COL2A1: variants seen among roughly 807,000 people sequenced by gnomAD.
COL2A1 encodes the protein collagen alpha-1(II) chain.
Under a neutral mutation model 204.5 loss-of-function variants are expected in COL2A1, and 28 were observed. That is an observed-to-expected ratio of 0.14 (90% CI 0.10 to 0.19). The LOEUF is 0.19. Among genes scored for constraint, COL2A1 ranks in the 10% least tolerant of loss-of-function variants. COL2A1 has a pLI of 1.00. For missense variants in COL2A1, 1,388 were observed against 2,027.5 expected (o/e 0.68, Z 6.06); for synonymous variants, 708 against 718.7 (o/e 0.99, Z 0.24).
chr12:47,981,972 C>G, intron 35 of COL2A1, 135 bp downstream of exon 35: 1 of 1,281,210 alleles, frequency 7.8e-7, no homozygotes, highest in Admixed American at 1.7e-5. Context: ...ACAGAGAAGT[C>G]CCTGCAGTTG....
In COL2A1 at chr12:47,985,948, G is replaced by A. The variant is rs41317925; in HGVS notation, c.1545C>T (p.Arg515=). 1.9e-5 allele frequency: 30 copies of A among 1,551,642 alleles called. No individual in the cohort carries two copies. Among genetic ancestry groups the A allele is most frequent in the South Asian group, 1.8e-4 (15 of 84,076 alleles). Reference sequence around the variant, plus strand: ...CCAGACCATCTTGACCTGGGAAACCGCGGTTGCCGGGAGCACCCTAAGGAG... The same window carrying A: ...CCAGACCATCTTGACCTGGGAAACCACGGTTGCCGGGAGCACCCTAAGGAG... ...PPGERGAPGN[R]GFPGQDGLAG... Residue 515 remains arginine, a synonymous_variant, in exon 24 of 54, where the codon CGC becomes CGT. Coordinates refer to ENST00000380518, the MANE Select transcript of COL2A1 (RefSeq NM_001844.5).
chr12:47,998,588 G>A lies in COL2A1; in HGVS notation c.293-157C>T. 9.4e-6 allele frequency: 7 copies of A among 744,930 alleles called. No homozygotes were observed. In the South Asian group the frequency reaches 1.2e-4, roughly 13 times the overall value. The allele number at this position is 744,930 out of a possible 1,614,324, so 46.1% of individuals were successfully genotyped here. The stretch of plus-strand genomic sequence containing the variant: ...TGACTCCACTGAACCCCTCTGTTGG[G>A]GTGTTAGGGCCACTGTGGCCCTGGG... On this transcript the variant is annotated intron_variant, in intron 2 of 53. Coordinates refer to ENST00000380518, the MANE Select transcript of COL2A1 (RefSeq NM_001844.5).
At chr12:47,992,629 G>A (rs201290018) in intron 16 of COL2A1, among the ~76,000 whole-genome samples, 1 of 152,140 alleles carries the variant, frequency 6.6e-6, no homozygotes, top group African/African-American at 2.4e-5. Flanking sequence ...TTGTTGAAGG[G>A]ATTACCTGAT....
intron 1 of COL2A1, among the ~76,000 whole-genome samples, chr12:48,001,398 G>A (rs1210486325): frequency 6.6e-6 from 1 of 152,172 alleles, no homozygotes; most frequent in Non-Finnish European, 1.5e-5. Flanking sequence ...GGATTCCAGG[G>A]AAAATACAGA....
chr12:47,973,889 A>G (rs919176408), intron 53 of COL2A1, among the ~76,000 whole-genome samples, 200 bp downstream of exon 53: 1 of 152,128 alleles, frequency 6.6e-6, no homozygotes, highest in Non-Finnish European at 1.5e-5. Context: ...TGTTCCCCTG[A>G]GCCAGGGGAA....
At chr12:48,004,121 C>T (rs1434724370) in intron 1 of COL2A1, 116 bp downstream of exon 1, 1 of 772,614 alleles carries the variant, frequency 1.3e-6, no homozygotes, top group South Asian at 1.5e-5. Context: ...GCGCTACGAC[C>T]CCGGGAGCCG....
chr12:47,982,020 G>T (rs761301871), intron 35 of COL2A1, 87 bp downstream of exon 35: 37 of 1,418,958 alleles, frequency 2.6e-5, no homozygotes, highest in Non-Finnish European at 3.5e-5. Flanking sequence ...GACCCCAGTG[G>T]CAGACTGCCC....
intron 9 of COL2A1, 25 bp downstream of exon 9, chr12:47,995,850 G>A (rs772410856): frequency 1.9e-6 from 3 of 1,610,460 alleles, no homozygotes; most frequent in African/African-American, 2.7e-5. Context: ...ACACGATGGA[G>A]GCAAAAAGAA....
At chr12:47,986,726 G>A in intron 22 of COL2A1, 109 bp downstream of exon 22, 1 of 1,290,782 alleles carries the variant, frequency 7.7e-7, no homozygotes. Context: ...AAAGGACCCA[G>A]ATTGGGGGAT....
rs945811404 is a variant in COL2A1, at chr12:47,976,753, C to T, written c.3435+59G>A. On this transcript the variant is annotated intron_variant, in intron 48 of 53. Transcript: ENST00000380518. This position sits in a 1 kb window ranked among gnomAD's most constrained non-coding sequence, Gnocchi z 4.3. ...AGCTGTCCTGGCAGCACAGGGAGCT[C>T]AAGTGGGCTCTGTGTGGCAGGAGGC... The T allele has an allele frequency of 1.3e-4, 197 of 1,515,682 alleles. No individual in the cohort carries two copies. Among genetic ancestry groups the T allele is most frequent in the Middle Eastern group, 1.7e-4 (1 of 5,816 alleles). 93.9% of individuals were successfully genotyped at this position (1,515,682 alleles called of 1,614,324 possible).
chr12:47,976,564 G>C lies in COL2A1; in HGVS notation c.3439C>G (p.Pro1147Ala), dbSNP rs139720910. ...CCAGAAGCACCTTGGTCTCCAGAAG[G>C]ACCCTGTGTAGAAGGAAGAGGCAAA... is the stretch of plus-strand genomic sequence containing the variant. Reference protein sequence around the residue: ...GLQGLPGPPGPSGDQGASGPA... With the variant: ...GLQGLPGPPGASGDQGASGPA... Residue 1147 changes from proline to alanine, a missense_variant, in exon 49 of 54, where the codon CCT (proline) becomes GCT (alanine). Transcript: ENST00000380518. This position sits in a 1 kb window ranked among gnomAD's most constrained non-coding sequence, Gnocchi z 4.3. The C allele has an allele frequency of 2.5e-6, 4 of 1,614,204 alleles. No individual in the cohort carries two copies. The East Asian group carries it at 8.9e-5, about 36-fold the overall frequency.
In COL2A1 at chr12:47,977,217, T is replaced by C. The variant is rs1420164511; in HGVS notation, c.3274-62A>G. 2.5e-6 allele frequency: 4 copies of C among 1,585,182 alleles called. No homozygotes were observed. In the East Asian group the frequency reaches 8.9e-5, roughly 35 times the overall value. On this transcript the variant is annotated intron_variant, in intron 46 of 53. Coordinates refer to ENST00000380518, the MANE Select transcript of COL2A1 (RefSeq NM_001844.5). ...AGGACAGGTGGGGGCCTCCTCTGCA[T>C]CTGAGGCCACTGCTCCTTAGTCCAG...
chr12:47,998,795 C>T (rs1436239533), intron 2 of COL2A1: 1 of 250,744 alleles, frequency 4.0e-6, no homozygotes, highest in African/African-American at 2.3e-5. Context: ...GGGAGCCGTT[C>T]CCGAACCCCA....
In COL2A1 at chr12:47,974,736, C is replaced by T. The variant is rs2136508302; in HGVS notation, c.4013G>A (p.Ser1338Asn). 3 of 1,614,196 alleles carry T rather than the reference C, an allele frequency of 1.9e-6. No individual in the cohort carries two copies. Among genetic ancestry groups the T allele is most frequent in the Non-Finnish European group, 2.5e-6 (3 of 1,180,036 alleles). Reference sequence around the variant, plus strand: ...GTGTTTCTTCTCCTTGCTCTTGCTGCTCCACCAGTTCTTCTTGGGAACGTT... The same window carrying T: ...GTGTTTCTTCTCCTTGCTCTTGCTGTTCCACCAGTTCTTCTTGGGAACGTT... ...PANVPKKNWW[S>N]SKSKEKKHIW... The change falls in exon 52 of 54, where the codon AGC becomes AAC. Residue 1338 changes from serine (S) to asparagine (N), a missense_variant. Ser to Asn is a conservative substitution (Grantham distance 46). This residue lies in a region of COL2A1 where 303 missense variants were observed against 369.2 expected (regional missense o/e 0.82). Transcript: ENST00000380518.
chr12:47,983,051 A>C, intron 32 of COL2A1, 42 bp downstream of exon 32: 1 of 1,609,396 alleles, frequency 6.2e-7, no homozygotes, highest in South Asian at 1.1e-5. Flanking sequence ...GACCCAGGGC[A>C]GGCCCAAGGA....
chr12:47,980,695 G>A lies in COL2A1; in HGVS notation c.2518-34C>T, dbSNP rs1397377178. 6.3e-7 allele frequency: 1 copy of A among 1,584,634 alleles called. No homozygotes were observed. ...GGAAGGAGGAAGCAGGTGAATGAGG[G>A]GCAGGCTAAAACCCTGGAGCTCTTC... On this transcript the variant is annotated intron_variant, in intron 38 of 53. Transcript: ENST00000380518. This position sits in a 1 kb window ranked among gnomAD's most constrained non-coding sequence, Gnocchi z 4.5.
Position 47,975,517 on chromosome 12 carries a change from C to T in COL2A1, c.3686G>A (p.Arg1229Lys). Reference protein sequence around the residue: ...DMSAFAGLGPREKGPDPLQYM... With the variant: ...DMSAFAGLGPKEKGPDPLQYM... ...CTGCAGGGGGTCGGGGCCCTTCTCT[C>T]TCGGGCCTAAGCCAGCAAAGGCGGA... Residue 1229 changes from arginine (R) to lysine (K), a missense_variant, in exon 51 of 54, where the codon AGA (arginine) becomes AAA (lysine). Arg to Lys is a conservative substitution (Grantham distance 26). Transcript: ENST00000380518. The T allele has an allele frequency of 6.2e-7, 1 of 1,610,678 alleles. No individual in the cohort carries two copies. The highest frequency in any genetic ancestry group is 1.3e-5 in the African/African-American group (1 of 75,040).
In COL2A1 at chr12:47,976,744, C is replaced by A; in HGVS notation, c.3435+68G>T. 5 of 1,478,792 alleles carry A rather than the reference C, an allele frequency of 3.4e-6. No individual in the cohort carries two copies. The highest frequency in any genetic ancestry group is 4.7e-6 in the Non-Finnish European group (5 of 1,068,528). 91.6% of individuals were successfully genotyped at this position (1,478,792 alleles called of 1,614,324 possible). A position where few individuals can be genotyped will look rare whatever the true frequency, so the allele number is the denominator to read the frequency against. The stretch of plus-strand genomic sequence containing the variant: ...GTGATCCCAAGCTGTCCTGGCAGCA[C>A]AGGGAGCTCAAGTGGGCTCTGTGTG... On this transcript the variant is annotated intron_variant, in intron 48 of 53. Transcript: ENST00000380518. This position sits in a 1 kb window ranked among gnomAD's most constrained non-coding sequence, Gnocchi z 4.3.
In COL2A1 at chr12:47,989,338, G is replaced by A. The variant is rs376265543; in HGVS notation, c.1069-57C>T. On this transcript the variant is annotated intron_variant, in intron 17 of 53. Transcript: ENST00000380518. Reference sequence around the variant, plus strand: ...GAATGCCAGTTCTGGCCTCCAAAGCGAGCCACCCCGACACCTCACACTCCT... The same window carrying A: ...GAATGCCAGTTCTGGCCTCCAAAGCAAGCCACCCCGACACCTCACACTCCT... 98 of 1,410,796 alleles carry A rather than the reference G, an allele frequency of 6.9e-5. No individual in the cohort carries two copies. In the African/African-American group the frequency reaches 9.8e-4, roughly 14 times the overall value. The allele number at this position is 1,410,796 out of a possible 1,614,324, so 87.4% of individuals were successfully genotyped here.
Sources: allele counts gnomAD v4.1 joint callset (sites outside exome capture counted in the v4.1 genomes callset), GRCh38; gene constraint gnomAD v4.1.1; regional missense constraint gnomAD v4.1.1; non-coding constraint Gnocchi (gnomAD v3.1); transcripts MANE v1.5; gene names NCBI Gene and HGNC (gene_info 2026-07-23, HGNC 2026-07-21).